Variants in LRRTM4 observed in about 807,000 individuals in gnomAD.
LRRTM4 encodes leucine-rich repeat transmembrane neuronal protein 4.
In LRRTM4, 25 loss-of-function variants were observed where a neutral mutation model predicts 47.6. The ratio of observed to expected loss-of-function variants is 0.53; its 90% CI spans 0.38 to 0.73. The LOEUF is 0.73. Ranked by LOEUF, LRRTM4 falls within the 30% of genes least tolerant of loss-of-function variation. LRRTM4 has a pLI of 0.00. For missense variants in LRRTM4, 638 were observed against 713.4 expected (o/e 0.89, Z 1.20); for synonymous variants, 311 against 269.5 (o/e 1.15, Z -1.51).
intron 3 of LRRTM4, among the ~76,000 whole-genome samples, chr2:76,852,247 T>C (rs1405882554): frequency 6.6e-6 from 1 of 152,134 alleles, no homozygotes; most frequent in Non-Finnish European, 1.5e-5. Context: ...GAATCAAGCC[T>C]CTCATTACCA....
At chr2:77,233,911 C>T (rs562779873) in intron 3 of LRRTM4, among the ~76,000 whole-genome samples, 4 of 152,152 alleles carry the variant, frequency 2.6e-5, no homozygotes, top group Admixed American at 1.3e-4. Flanking sequence ...GAGTCTCCCA[C>T]CTCAGCCTCC....
At chr2:77,379,580 T>C (rs550601360) in intron 3 of LRRTM4, among the ~76,000 whole-genome samples, 1 of 152,276 alleles carries the variant, frequency 6.6e-6, no homozygotes, top group Non-Finnish European at 1.5e-5. Flanking sequence ...TAAATTTCAC[T>C]ACATGACTAT....
chr2:77,309,787 A>G (rs1484599407), intron 3 of LRRTM4, among the ~76,000 whole-genome samples: 1 of 152,188 alleles, frequency 6.6e-6, no homozygotes, highest in East Asian at 1.9e-4. Context: ...AAGCTAAAAT[A>G]AACCGTCCCA....
intron 3 of LRRTM4, among the ~76,000 whole-genome samples, chr2:77,063,849 C>T (rs1679870990): frequency 6.6e-6 from 1 of 151,986 alleles, no homozygotes; most frequent in Admixed American, 6.6e-5. Context: ...CCCATCCCAT[C>T]AATTGAGCAG....
intron 3 of LRRTM4, among the ~76,000 whole-genome samples, chr2:76,833,856 C>T (rs1671428198): frequency 6.6e-6 from 1 of 151,370 alleles, no homozygotes; most frequent in Admixed American, 6.6e-5. Context: ...GCTATTTAAT[C>T]ACAAATAATG....
intron 3 of LRRTM4, among the ~76,000 whole-genome samples, chr2:77,038,400 G>T (rs1453538108): frequency 1.3e-5 from 2 of 151,346 alleles, no homozygotes; most frequent in Non-Finnish European, 3.0e-5. Context: ...GCTTTGTTTC[G>T]ATTTGTTTTG....
At chr2:77,223,043 C>T (rs1337001702) in intron 3 of LRRTM4, among the ~76,000 whole-genome samples, 1 of 152,048 alleles carries the variant, frequency 6.6e-6, no homozygotes, top group Admixed American at 6.6e-5. Context: ...GGATGCAAGG[C>T]TGGTTCAACA....
At chr2:77,384,520 T>G in intron 3 of LRRTM4, among the ~76,000 whole-genome samples, 1 of 151,988 alleles carries the variant, frequency 6.6e-6, no homozygotes, top group African/African-American at 2.4e-5. Flanking sequence ...ACTGTTACCA[T>G]TAGTAATAGT....
At chr2:77,220,979 G>A (rs1674609447) in intron 3 of LRRTM4, among the ~76,000 whole-genome samples, 1 of 152,174 alleles carries the variant, frequency 6.6e-6, no homozygotes, top group Admixed American at 6.5e-5. Flanking sequence ...CCCACAAAGG[G>A]AAGCCCATCA....
intron 3 of LRRTM4, among the ~76,000 whole-genome samples, chr2:76,862,684 T>C (rs1363362038): frequency 6.6e-6 from 1 of 152,176 alleles, no homozygotes; most frequent in Non-Finnish European, 1.5e-5. Flanking sequence ...AAATAAGGCA[T>C]TGATAAGAGC....
chr2:77,341,924 G>A (rs1671386643), intron 3 of LRRTM4, among the ~76,000 whole-genome samples: 1 of 151,926 alleles, frequency 6.6e-6, no homozygotes, highest in South Asian at 2.1e-4. Context: ...GGGCTTAATA[G>A]AATATACAAA....
intron 3 of LRRTM4, among the ~76,000 whole-genome samples, chr2:77,417,307 G>C (rs1674674694): frequency 6.6e-6 from 1 of 152,084 alleles, no homozygotes; most frequent in Non-Finnish European, 1.5e-5. Flanking sequence ...CTGGAAACTA[G>C]TTCAACCATT....
intron 3 of LRRTM4, among the ~76,000 whole-genome samples, chr2:77,188,295 T>C (rs1016183948): frequency 1.3e-5 from 2 of 152,210 alleles, no homozygotes; most frequent in Admixed American, 1.3e-4. Flanking sequence ...TTCCCCTCTA[T>C]GGGGAAAATG....
chr2:76,799,006 G>A (rs1194582778), intron 3 of LRRTM4, among the ~76,000 whole-genome samples: 21 of 150,178 alleles, frequency 1.4e-4, no homozygotes, highest in Non-Finnish European at 2.2e-4. Context: ...ATTCACAGCC[G>A]AATTCTACCA....
intron 3 of LRRTM4, among the ~76,000 whole-genome samples, chr2:77,298,958 A>G (rs1362047495): frequency 6.6e-6 from 1 of 152,160 alleles, no homozygotes; most frequent in Non-Finnish European, 1.5e-5. Context: ...GAAACACTTA[A>G]GATAATTTTT....
chr2:77,225,651 A>C (rs1331354649), intron 3 of LRRTM4, among the ~76,000 whole-genome samples: 14 of 152,138 alleles, frequency 9.2e-5, no homozygotes, highest in Non-Finnish European at 1.9e-4. Flanking sequence ...TTAGTTTTAC[A>C]CTGTATGTAA....
intron 3 of LRRTM4, among the ~76,000 whole-genome samples, chr2:77,461,983 A>G (rs1388619694): frequency 6.6e-6 from 1 of 152,144 alleles, no homozygotes; most frequent in East Asian, 1.9e-4. Context: ...ATAAAATGGT[A>G]TCTGGAATTC....
At chr2:77,342,313 A>G (rs191112102) in intron 3 of LRRTM4, among the ~76,000 whole-genome samples, 2 of 152,072 alleles carry the variant, frequency 1.3e-5, no homozygotes, top group East Asian at 3.9e-4. Flanking sequence ...TTGGGTTATT[A>G]CAACTGTGCA....
chr2:77,054,524 A>G (rs1679540580), intron 3 of LRRTM4, among the ~76,000 whole-genome samples: 1 of 152,216 alleles, frequency 6.6e-6, no homozygotes, highest in African/African-American at 2.4e-5. Context: ...AGTAACGGAA[A>G]TACTGTGCAG....
Sources: allele counts gnomAD v4.1 joint callset (sites outside exome capture counted in the v4.1 genomes callset), GRCh38; gene constraint gnomAD v4.1.1; transcripts MANE v1.5; gene names NCBI Gene and HGNC (gene_info 2026-07-23, HGNC 2026-07-21).